Variants in NTRK3 observed in about 807,000 individuals in gnomAD.
The protein encoded by NTRK3 is neurotrophic receptor tyrosine kinase 3, also known as NT-3 growth factor receptor.
Under a neutral mutation model 91.7 loss-of-function variants are expected in NTRK3, and 24 were observed. The observed-to-expected ratio is 0.26, with a 90% CI of 0.19 to 0.37. The LOEUF (loss-of-function observed/expected upper bound fraction) is 0.37. Among genes scored for constraint, NTRK3 ranks in the 10% least tolerant of loss-of-function variants. The pLI is 1.00. For synonymous variants in NTRK3, 483 were observed against 404.0 expected (o/e 1.20, Z -2.34); for missense variants, 880 against 1,068.9 (o/e 0.82, Z 2.46).
intron 15 of NTRK3, among the ~76,000 whole-genome samples, chr15:87,938,633 G>T (rs1329367980): frequency 6.6e-6 from 1 of 152,158 alleles, no homozygotes; most frequent in Non-Finnish European, 1.5e-5. Context: ...ACCACTCGGG[G>T]AAACATTTCC....
rs371098809 is a variant in NTRK3 at position 88,026,894 on chromosome 15, A to G, written c.1585+5963T>C. Among the ~76,000 whole-genome samples, 131 of 152,254 alleles carry G rather than the reference A, an allele frequency of 8.6e-4. 2 individuals are homozygous for G. The South Asian group carries it at 0.026, about 30-fold the overall frequency. ...CATGGCCCCTCAAGAACTTGATTCT[A>G]TGGAGAATTCAGAGAGGGGTAATAA... On this transcript the variant is annotated intron_variant, in intron 14 of 18. Coordinates refer to ENST00000394480, the Ensembl canonical transcript of NTRK3.
chr15:88,094,463 G>A (rs1443016121), intron 13 of NTRK3, among the ~76,000 whole-genome samples: 10 of 121,996 alleles, frequency 8.2e-5, no homozygotes, highest in Admixed American at 3.2e-4. Context: ...GCGACAGAGC[G>A]AGACTCCGTC....
At chr15:87,908,525 C>A (rs1327796508) in intron 17 of NTRK3, 5 of 399,516 alleles carry the variant, frequency 1.3e-5, no homozygotes, top group Admixed American at 4.4e-5. Context: ...TCTGCCGCTG[C>A]CACACCACAC....
At chr15:88,082,110 A>T (rs1352225226) in intron 13 of NTRK3, among the ~76,000 whole-genome samples, 1 of 151,982 alleles carries the variant, frequency 6.6e-6, no homozygotes, top group Non-Finnish European at 1.5e-5. Context: ...CCCCGTCCCT[A>T]CTGAAAATAC....
intron 10 of NTRK3, among the ~76,000 whole-genome samples, chr15:88,133,638 T>C (rs1039992191): frequency 2.0e-5 from 3 of 152,212 alleles, no homozygotes; most frequent in Non-Finnish European, 2.9e-5. Context: ...TAGCCTGCCC[T>C]TGTAGACCAT....
intron 16 of NTRK3, among the ~76,000 whole-genome samples, chr15:87,932,536 T>C (rs187937578): frequency 3.2e-4 from 48 of 152,302 alleles, no homozygotes; most frequent in African/African-American, 1.1e-3. Flanking sequence ...TGCCACCTGA[T>C]GAATTGTAAC....
At chr15:87,873,005 C>T (rs1330563381) in exon 19 of NTRK3, 1 of 233,084 alleles carries the variant, frequency 4.3e-6, no homozygotes, top group Admixed American at 5.6e-5. Context: ...TACTTAACTT[C>T]CAATGCACCC....
intron 13 of NTRK3, among the ~76,000 whole-genome samples, chr15:88,085,625 T>TG: frequency 6.6e-6 from 1 of 152,018 alleles, no homozygotes; most frequent in East Asian, 1.9e-4. Context: ...AAAGACTGAG[T>TG]GGGGGGTGGT....
intron 17 of NTRK3, among the ~76,000 whole-genome samples, chr15:87,904,931 G>A (rs910652364): frequency 2.0e-5 from 3 of 152,176 alleles, no homozygotes; most frequent in Non-Finnish European, 2.9e-5. Context: ...AAGTGAAAGT[G>A]GAGTATCCTA....
chr15:88,164,077 G>A (rs1486036402), intron 5 of NTRK3, among the ~76,000 whole-genome samples: 3 of 152,160 alleles, frequency 2.0e-5, no homozygotes, highest in Admixed American at 2.0e-4. Context: ...TGGGTGTATG[G>A]GGTGAACAAG....
chr15:88,170,897 A>G (rs1418891879), intron 5 of NTRK3, among the ~76,000 whole-genome samples: 1 of 152,186 alleles, frequency 6.6e-6, no homozygotes, highest in Admixed American at 6.5e-5. Flanking sequence ...AGGTCACCCT[A>G]TCACAGAGAC....
chr15:87,946,418 A>C (rs1467481726), intron 14 of NTRK3: 1 of 152,180 alleles, frequency 6.6e-6, no homozygotes, highest in African/African-American at 2.4e-5. Context: ...CCCAAAGGTG[A>C]GTGTGTGCAC....
chr15:87,960,418 C>T (rs1241950832), intron 14 of NTRK3, among the ~76,000 whole-genome samples: 1 of 152,030 alleles, frequency 6.6e-6, no homozygotes, highest in East Asian at 1.9e-4. Flanking sequence ...CATCTAGCAC[C>T]CGTCTCTCTT....
At chr15:88,196,002 G>A (rs2047783881) in intron 3 of NTRK3, among the ~76,000 whole-genome samples, 1 of 152,180 alleles carries the variant, frequency 6.6e-6, no homozygotes, top group Non-Finnish European at 1.5e-5. Flanking sequence ...CCCGCATGGA[G>A]GACTTAATTC....
In NTRK3 at chr15:88,127,145, A is replaced by G. The variant is rs752007980; in HGVS notation, c.1293+17T>C. 3.7e-6 allele frequency: 6 copies of G among 1,610,390 alleles called. 1 individual carries two copies. In the South Asian group the frequency reaches 6.6e-5, roughly 18 times the overall value. On this transcript the variant is annotated intron_variant, in intron 12 of 18. Transcript: ENST00000394480. ...TATGCCAGTCAACACACTCCTCTTGACCAAGAAGTGACTCACCCCAAAAGT... is the reference window on the plus strand; with the variant it reads ...TATGCCAGTCAACACACTCCTCTTGGCCAAGAAGTGACTCACCCCAAAAGT...
chr15:87,901,758 T>C (rs2066465412), intron 17 of NTRK3, among the ~76,000 whole-genome samples: 1 of 134,072 alleles, frequency 7.5e-6, no homozygotes, highest in Admixed American at 7.6e-5. Context: ...AGGAGGAAAG[T>C]TGGGGAGGGG....
intron 17 of NTRK3, among the ~76,000 whole-genome samples, chr15:87,886,027 GA>G (rs2065517546): frequency 6.6e-6 from 1 of 151,930 alleles, no homozygotes; most frequent in African/African-American, 2.4e-5. Flanking sequence ...CAACCCAGCA[GA>G]AAAATGAATA....
chr15:88,200,882 G>A (rs2048243819), intron 3 of NTRK3, among the ~76,000 whole-genome samples: 1 of 152,178 alleles, frequency 6.6e-6, no homozygotes. Flanking sequence ...TCAATGAGAT[G>A]CTGAAAATCT....
intron 5 of NTRK3, among the ~76,000 whole-genome samples, chr15:88,165,297 G>A (rs1486588903): frequency 8.5e-5 from 13 of 152,116 alleles, no homozygotes; most frequent in Admixed American, 8.5e-4. Context: ...CACAATCATT[G>A]TTAAATAAAA....
Sources: allele counts gnomAD v4.1 joint callset (sites outside exome capture counted in the v4.1 genomes callset), GRCh38; gene constraint gnomAD v4.1.1; transcripts MANE v1.5; gene names NCBI Gene and HGNC (gene_info 2026-07-23, HGNC 2026-07-21).